Variants in EXOC4 observed in about 807,000 individuals in gnomAD.
EXOC4 encodes the protein SEC8-like 1.
Under a neutral mutation model 107.2 loss-of-function variants are expected in EXOC4, and 71 were observed. That is an observed-to-expected ratio of 0.66 (90% CI 0.55 to 0.81). The LOEUF (loss-of-function observed/expected upper bound fraction) is 0.81, where lower values mean the gene tolerates loss of function less well. Ranked by LOEUF, EXOC4 falls within the 30% of genes least tolerant of loss-of-function variation. The pLI is 0.00. For synonymous variants in EXOC4, 456 were observed against 441.2 expected (o/e 1.03, Z -0.42); for missense variants, 1,108 against 1,189.6 (o/e 0.93, Z 1.01).
chr7:133,516,752 C>T (rs867011709), intron 9 of EXOC4, among the ~76,000 whole-genome samples: 48 of 3,634 alleles, frequency 0.013, no homozygotes, highest in African/African-American at 0.028. Context: ...GCCAAACTAG[C>T]TGCTCATTTT....
At chr7:133,721,970 G>T (rs1023981380) in intron 10 of EXOC4, among the ~76,000 whole-genome samples, 2 of 152,206 alleles carry the variant, frequency 1.3e-5, no homozygotes, top group Non-Finnish European at 2.9e-5. Context: ...TTGTTAGCTT[G>T]CAAGTAGGGT....
intron 9 of EXOC4, among the ~76,000 whole-genome samples, chr7:133,495,130 T>C (rs185210214): frequency 6.6e-6 from 1 of 152,084 alleles, no homozygotes; most frequent in African/African-American, 2.4e-5. Context: ...CACATATCTG[T>C]AATCCCAGCT....
intron 10 of EXOC4, among the ~76,000 whole-genome samples, chr7:133,683,824 A>G (rs543437387): frequency 4.4e-4 from 67 of 152,304 alleles, no homozygotes; most frequent in Non-Finnish European, 8.4e-4. Context: ...AATATTTATT[A>G]ACATCAAAAT....
chr7:133,447,961 A>G (rs966512360), intron 7 of EXOC4, among the ~76,000 whole-genome samples: 9 of 152,218 alleles, frequency 5.9e-5, no homozygotes, highest in Non-Finnish European at 1.2e-4. Flanking sequence ...AGAGAGAAAG[A>G]TGTACTTTTT....
chr7:133,752,282 C>T (rs1038349317), intron 10 of EXOC4, among the ~76,000 whole-genome samples: 2 of 152,234 alleles, frequency 1.3e-5, no homozygotes, highest in East Asian at 1.9e-4. Flanking sequence ...TTTTAAAAGG[C>T]GGACTCTGTG....
intron 10 of EXOC4, among the ~76,000 whole-genome samples, chr7:133,786,822 C>T (rs1251767171): frequency 1.3e-5 from 2 of 152,206 alleles, no homozygotes; most frequent in African/African-American, 4.8e-5. Flanking sequence ...AATGTTTCCT[C>T]CTAATCATCC....
intron 10 of EXOC4, among the ~76,000 whole-genome samples, chr7:133,736,021 G>A (rs568920200): frequency 5.3e-5 from 8 of 152,126 alleles, no homozygotes; most frequent in Non-Finnish European, 8.8e-5. Context: ...CCAGGGTGGC[G>A]GAGATTGCAG....
chr7:134,038,382 ATTG>A lies in EXOC4; in HGVS notation c.2688-25908_2688-25906del, dbSNP rs575132034. On this transcript the variant is annotated intron_variant, in intron 17 of 17. Transcript: ENST00000253861. ...ATAAAAATATTTTCCCAAGTGCTGT[ATTG>A]ATACTCTAGGCACCTATACTTAACA... Among the ~76,000 whole-genome samples, 789 of 152,354 alleles carry A rather than the reference ATTG, an allele frequency of 5.2e-3. 3 individuals carry two copies. Among genetic ancestry groups the A allele is most frequent in the Non-Finnish European group, 8.3e-3 (568 of 68,026 alleles).
chr7:133,570,838 G>T (rs551777458), intron 9 of EXOC4, among the ~76,000 whole-genome samples: 4 of 152,210 alleles, frequency 2.6e-5, no homozygotes, highest in Non-Finnish European at 5.9e-5. Flanking sequence ...TTAGGCTGAT[G>T]TGTGTTTATT....
At chr7:134,030,146 A>G (rs1331091242) in intron 17 of EXOC4, among the ~76,000 whole-genome samples, 2 of 152,218 alleles carry the variant, frequency 1.3e-5, no homozygotes, top group Admixed American at 1.3e-4. Flanking sequence ...TGGGAGCAGA[A>G]CTTTGTGATA....
intron 17 of EXOC4, among the ~76,000 whole-genome samples, chr7:134,053,822 T>C (rs186558211): frequency 1.6e-3 from 237 of 152,220 alleles, no homozygotes; most frequent in Non-Finnish European, 2.9e-3. Flanking sequence ...CTGATCCTCT[T>C]TTCTGATTTT....
intron 7 of EXOC4, among the ~76,000 whole-genome samples, chr7:133,473,709 T>C (rs1798937571): frequency 6.6e-6 from 1 of 151,960 alleles, no homozygotes. Flanking sequence ...GGGTCTTGTT[T>C]TTTTTTTTTA....
At chr7:133,866,840 A>G (rs912979148) in intron 11 of EXOC4, among the ~76,000 whole-genome samples, 2 of 152,214 alleles carry the variant, frequency 1.3e-5, no homozygotes, top group East Asian at 3.8e-4. Context: ...CAAGCTAACT[A>G]ACACATCCCA....
At chr7:133,395,109 CTTTT>C (rs200545904) in intron 7 of EXOC4, among the ~76,000 whole-genome samples, 1 of 130,880 alleles carries the variant, frequency 7.6e-6, no homozygotes. Flanking sequence ...ATACTTTTGC[CTTTT>C]TTTTTTTTTT....
At chr7:133,726,934 C>T (rs1022616017) in intron 10 of EXOC4, among the ~76,000 whole-genome samples, 6 of 152,124 alleles carry the variant, frequency 3.9e-5, no homozygotes, top group South Asian at 2.1e-4. Flanking sequence ...TTTTTATTTA[C>T]GAACCTGTGA....
intron 17 of EXOC4, among the ~76,000 whole-genome samples, chr7:134,020,392 G>A (rs1795001845): frequency 6.6e-6 from 1 of 152,138 alleles, no homozygotes; most frequent in African/African-American, 2.4e-5. Context: ...CCAGGCCATC[G>A]TCTTTCAACC....
chr7:133,899,212 C>T lies in EXOC4; in HGVS notation c.1871+3477C>T, dbSNP rs377134127. 1.4e-4 allele frequency among the ~76,000 whole-genome samples: 21 copies of T among 151,956 alleles called. 1 individual carries two copies. The South Asian group carries it at 1.7e-3, about 12-fold the overall frequency. ...AATAGTAATTATAGTGGAGATGTTGCGTAACCTGACCATGATAAGGTCAAG... is the reference window on the plus strand; with the variant it reads ...AATAGTAATTATAGTGGAGATGTTGTGTAACCTGACCATGATAAGGTCAAG... On this transcript the variant is annotated intron_variant, in intron 12 of 17. Transcript: ENST00000253861.
At chr7:133,384,448 G>A (rs570243684) in intron 7 of EXOC4, among the ~76,000 whole-genome samples, 4 of 152,226 alleles carry the variant, frequency 2.6e-5, no homozygotes, top group South Asian at 2.1e-4. Flanking sequence ...CCAAGTGTCC[G>A]TCAGACTCAT....
rs117947226 is a variant in EXOC4, at chr7:133,723,831, G to A, written c.1515-93494G>A. ...TTTTAATGAGACAGGGCCTCACTATGTTGCCTAGTCTGGTCTTGAACTCCT... is the reference window on the plus strand; with the variant it reads ...TTTTAATGAGACAGGGCCTCACTATATTGCCTAGTCTGGTCTTGAACTCCT... On this transcript the variant is annotated intron_variant, in intron 10 of 17. Transcript: ENST00000253861. Among the ~76,000 whole-genome samples, 32 of 152,040 alleles carry A rather than the reference G, an allele frequency of 2.1e-4. No homozygotes were observed. The East Asian group carries it at 5.6e-3, about 27-fold the overall frequency.
Sources: allele counts gnomAD v4.1 joint callset (sites outside exome capture counted in the v4.1 genomes callset), GRCh38; gene constraint gnomAD v4.1.1; transcripts MANE v1.5; gene names NCBI Gene and HGNC (gene_info 2026-07-23, HGNC 2026-07-21).